The following PAPPA variants were observed in gnomAD, a reference collection of about 807,000 sequenced individuals.
PAPPA encodes pappalysin-1.
PAPPA carries 60 observed loss-of-function variants against 164.0 expected under a neutral mutation model. The observed-to-expected ratio is 0.37, with a 90% CI of 0.30 to 0.45. The LOEUF is 0.45. PAPPA is among the 20% of genes least tolerant of loss of function. The pLI, the probability that PAPPA is intolerant of heterozygous loss-of-function variation, is 1.00. For synonymous variants in PAPPA, 875 were observed against 814.1 expected (o/e 1.07, Z -1.27); for missense variants, 1,782 against 2,087.3 (o/e 0.85, Z 2.85).
chr9:116,211,079 C>A (rs1844300651), intron 3 of PAPPA, among the ~76,000 whole-genome samples: 1 of 152,192 alleles, frequency 6.6e-6, no homozygotes, highest in Non-Finnish European at 1.5e-5. Context: ...ATGGTGAATA[C>A]AGCATGGTGC....
intron 13 of PAPPA, among the ~76,000 whole-genome samples, chr9:116,341,030 TTTTATTTATTTA>T (rs370348154): frequency 6.6e-6 from 1 of 150,940 alleles, no homozygotes; most frequent in Non-Finnish European, 1.5e-5. Flanking sequence ...TATTTTTTTG[TTTTATTTATTTA>T]TTTATTTATT....
intron 10 of PAPPA, among the ~76,000 whole-genome samples, chr9:116,304,237 C>A (rs1001503165): frequency 2.0e-5 from 3 of 152,220 alleles, no homozygotes; most frequent in Non-Finnish European, 1.5e-5. Flanking sequence ...TCAGTTTATT[C>A]ATCTTTGTCC....
At chr9:116,194,064 A>G (rs1844075643) in intron 2 of PAPPA, among the ~76,000 whole-genome samples, 1 of 152,196 alleles carries the variant, frequency 6.6e-6, no homozygotes, top group Non-Finnish European at 1.5e-5. Flanking sequence ...TGCAAGAAAG[A>G]TGTGAGTCTG....
Position 116,217,489 on chromosome 9 carries a change from C to T in PAPPA, c.1919-2448C>T, listed in dbSNP as rs530191943. 1.7e-4 allele frequency among the ~76,000 whole-genome samples: 26 copies of T among 152,254 alleles called. No individual in the cohort carries two copies. The Middle Eastern group carries it at 0.017, about 100-fold the overall frequency. On this transcript the variant is annotated intron_variant, in intron 4 of 21. Coordinates refer to ENST00000328252, the MANE Select transcript of PAPPA (RefSeq NM_002581.5). ...CCATTATAAATTATGCTTCAAGAAA[C>T]ATCTTTGTATGTCTATTTTACCCCT... is the stretch of plus-strand genomic sequence containing the variant.
chr9:116,342,789 T>C (rs1273609295), intron 13 of PAPPA, among the ~76,000 whole-genome samples: 1 of 152,040 alleles, frequency 6.6e-6, no homozygotes, highest in African/African-American at 2.4e-5. Context: ...CATCGGTGCA[T>C]ACGATAGGCC....
chr9:116,186,388 T>G (rs1053122513), intron 1 of PAPPA, among the ~76,000 whole-genome samples: 1 of 152,130 alleles, frequency 6.6e-6, no homozygotes, highest in Middle Eastern at 3.4e-3. Context: ...TGCCTTCCAT[T>G]CTCTGGGACT....
chr9:116,155,130 G>T (rs992796771), intron 1 of PAPPA, among the ~76,000 whole-genome samples: 6 of 152,142 alleles, frequency 3.9e-5, no homozygotes, highest in Non-Finnish European at 7.3e-5. Flanking sequence ...CTGCCTCTGG[G>T]ACTCACCCTC....
intron 8 of PAPPA, among the ~76,000 whole-genome samples, chr9:116,269,502 A>G (rs1204023578): frequency 6.6e-6 from 1 of 152,212 alleles, no homozygotes; most frequent in Non-Finnish European, 1.5e-5. Flanking sequence ...CTCAAGTAAC[A>G]GGCAAAGGCA....
chr9:116,366,877 A>C (rs1846507810), intron 18 of PAPPA, among the ~76,000 whole-genome samples: 1 of 151,536 alleles, frequency 6.6e-6, no homozygotes. Context: ...AGATCATTAA[A>C]AATGCACTTG....
intron 13 of PAPPA, among the ~76,000 whole-genome samples, chr9:116,337,326 A>G (rs1416879247): frequency 1.3e-5 from 2 of 152,188 alleles, no homozygotes; most frequent in African/African-American, 4.8e-5. Flanking sequence ...CAGTGGGGAA[A>G]GGACAGCAGC....
chr9:116,300,243 T>C (rs2118885914), intron 9 of PAPPA, among the ~76,000 whole-genome samples: 1 of 149,972 alleles, frequency 6.7e-6, no homozygotes, highest in East Asian at 2.0e-4. Flanking sequence ...CTTTCTTTCT[T>C]TTCTCTTTCT....
At chr9:116,231,799 T>C (rs892087509) in intron 6 of PAPPA, among the ~76,000 whole-genome samples, 1 of 137,914 alleles carries the variant, frequency 7.3e-6, no homozygotes, top group African/African-American at 2.7e-5. Flanking sequence ...TTCACTATTG[T>C]TGCCCAGGCT....
In PAPPA at chr9:116,396,916, C is replaced by G. The variant is rs774672278; in HGVS notation, c.*300C>G. On this transcript the variant is annotated 3_prime_UTR_variant, in exon 22 of 22. Coordinates refer to ENST00000328252, the MANE Select transcript of PAPPA (RefSeq NM_002581.5). ...TTTGTCACACAACCACAGCAAGAAA[C>G]GTGTTCTATATCTAGAGTGTGCCCA... 2 of 413,640 alleles carry G rather than the reference C, an allele frequency of 4.8e-6. No homozygotes were observed. Among genetic ancestry groups the G allele is most frequent in the East Asian group, 4.3e-5 (1 of 23,332 alleles). 25.6% of individuals were successfully genotyped at this position (413,640 alleles called of 1,614,324 possible). A position where few individuals can be genotyped will look rare whatever the true frequency, so the allele number is the denominator to read the frequency against.
chr9:116,323,076 C>T (rs1845879729), intron 10 of PAPPA, among the ~76,000 whole-genome samples: 1 of 152,158 alleles, frequency 6.6e-6, no homozygotes. Context: ...TACCAGAGCC[C>T]CCGCTCCCCC....
At chr9:116,245,360 T>C (rs1392341022) in intron 7 of PAPPA, among the ~76,000 whole-genome samples, 1 of 152,208 alleles carries the variant, frequency 6.6e-6, no homozygotes, top group Non-Finnish European at 1.5e-5. Context: ...ATGTTGAGTT[T>C]AGATTTATTC....
intron 1 of PAPPA, among the ~76,000 whole-genome samples, chr9:116,156,334 G>GTATATATATA (rs374567663): frequency 1.0e-3 from 145 of 139,584 alleles, no homozygotes; most frequent in African/African-American, 3.2e-3. Context: ...ATATATATGT[G>GTATATATATA]TATATATATA....
chr9:116,296,916 G>A (rs577169761), intron 9 of PAPPA, among the ~76,000 whole-genome samples: 6 of 151,972 alleles, frequency 3.9e-5, no homozygotes, highest in East Asian at 1.9e-4. Flanking sequence ...GTGCAGTGGC[G>A]TGATCTCAGC....
At chr9:116,385,301 C>T (rs879621297) in intron 21 of PAPPA, among the ~76,000 whole-genome samples, 1 of 151,410 alleles carries the variant, frequency 6.6e-6, no homozygotes, top group Non-Finnish European at 1.5e-5. Context: ...GGAATCCACA[C>T]CTGAACCTCA....
rs140538632 is a variant in PAPPA at position 116,317,588 on chromosome 9, G to A, written c.3148-13656G>A. Among the ~76,000 whole-genome samples, 341 of 152,284 alleles carry A rather than the reference G, an allele frequency of 2.2e-3. 1 individual carries two copies. Among genetic ancestry groups the A allele is most frequent in the African/African-American group, 7.8e-3 (323 of 41,562 alleles). ...AATCTCAGTCAGTTTCAGGTTTGGG[G>A]CTATAGAGCAGAAGGCATTACCCAG... is the stretch of plus-strand genomic sequence containing the variant. On this transcript the variant is annotated intron_variant, in intron 10 of 21. Coordinates refer to ENST00000328252, the MANE Select transcript of PAPPA (RefSeq NM_002581.5).
Sources: gnomAD v4.1 joint callset for allele counts (sites outside exome capture counted in the v4.1 genomes callset) on GRCh38, gnomAD v4.1.1 for gene constraint, MANE v1.5 for transcripts, NCBI Gene and HGNC (gene_info 2026-07-23, HGNC 2026-07-21) for gene names.